The following ZRANB3 variants were observed in gnomAD, a reference collection of about 807,000 sequenced individuals.
ZRANB3 encodes DNA annealing helicase and endonuclease ZRANB3.
Under a neutral mutation model 133.8 loss-of-function variants are expected in ZRANB3, and 125 were observed. That is an observed-to-expected ratio of 0.93 (90% CI 0.81 to 1.08). ZRANB3 has a LOEUF of 1.08. ZRANB3 is among the 50% of genes least tolerant of loss of function. The pLI is 0.00. For missense variants in ZRANB3, 1,229 were observed against 1,275.5 expected, an observed-to-expected ratio of 0.96 and a Z score of 0.56; for synonymous variants, 387 against 432.7, an observed-to-expected ratio of 0.89 and a Z score of 1.31.
At chr2:135,379,692 G>A (rs1686598668) in intron 3 of ZRANB3, among the ~76,000 whole-genome samples, 1 of 152,120 alleles carries the variant, frequency 6.6e-6, no homozygotes. Flanking sequence ...ACCGGTACCA[G>A]TCACTGCAAA....
chr2:135,271,799 A>C lies in ZRANB3; in HGVS notation c.1175T>G (p.Val392Gly). 3 of 1,613,774 alleles carry C rather than the reference A, an allele frequency of 1.9e-6. No homozygotes were observed. Among genetic ancestry groups the C allele is most frequent in the Non-Finnish European group, 2.5e-6 (3 of 1,179,810 alleles). The change falls in exon 10 of 21, where the codon GTG (valine) becomes GGG (glycine). Residue 392 changes from valine (V) to glycine (G), a missense_variant. Transcript: ENST00000264159. ...AGCAGCCTGAATGCTTAGGATAGCC[A>C]CGCGAGTGTCAGGATCCTTTTGAAA... ...NQFQKDPDTR[V>G]AILSIQAAGQ...
intron 1 of ZRANB3, chr2:135,510,540 GA>G: frequency 3.0e-6 from 2 of 659,976 alleles, no homozygotes; most frequent in Non-Finnish European, 5.5e-6. Flanking sequence ...GAAGATCCAT[GA>G]AGATTCACTG....
intron 17 of ZRANB3, among the ~76,000 whole-genome samples, chr2:135,211,317 G>C (rs562026652): frequency 6.6e-6 from 1 of 152,106 alleles, no homozygotes; most frequent in Non-Finnish European, 1.5e-5. Context: ...AAGGCGGGTG[G>C]ATCATTTGAG....
chr2:135,292,785 A>T lies in ZRANB3; in HGVS notation c.967-17030T>A, dbSNP rs573638991. Among the ~76,000 whole-genome samples, 47 of 152,300 alleles carry T rather than the reference A, an allele frequency of 3.1e-4. No homozygotes were observed. In the South Asian group the frequency reaches 6.4e-3, roughly 21 times the overall value. On this transcript the variant is annotated intron_variant, in intron 8 of 20. Coordinates refer to ENST00000264159, the MANE Select transcript of ZRANB3 (RefSeq NM_032143.4). ...TTAATTTTTGTATAAGGTGTAAGGA[A>T]GGGACCCACTTCCAGCTTTCTACAT...
At chr2:135,212,058 T>C (rs1448904570) in intron 17 of ZRANB3, among the ~76,000 whole-genome samples, 1 of 152,230 alleles carries the variant, frequency 6.6e-6, no homozygotes, top group African/African-American at 2.4e-5. Context: ...CTAATAGTGA[T>C]AGGCATCTCA....
intron 6 of ZRANB3, chr2:135,345,053 C>T (rs1573947723): frequency 6.6e-6 from 1 of 152,012 alleles, no homozygotes; most frequent in South Asian, 2.1e-4. Flanking sequence ...ACATGTAAAT[C>T]TAGCCAATAA....
intron 6 of ZRANB3, among the ~76,000 whole-genome samples, chr2:135,338,552 T>C (rs527720251): frequency 7.2e-5 from 11 of 152,312 alleles, no homozygotes; most frequent in Non-Finnish European, 1.6e-4. Context: ...TTTCAAGACA[T>C]CCAGGGAAAA....
At chr2:135,445,533 G>C (rs903044347) in intron 2 of ZRANB3, among the ~76,000 whole-genome samples, 2 of 152,120 alleles carry the variant, frequency 1.3e-5, no homozygotes, top group African/African-American at 4.8e-5. Flanking sequence ...AAAATCTATA[G>C]AATTGCCAGA....
At chr2:135,405,101 C>A (rs987443248) in intron 2 of ZRANB3, among the ~76,000 whole-genome samples, 1 of 151,926 alleles carries the variant, frequency 6.6e-6, no homozygotes, top group Non-Finnish European at 1.5e-5. Context: ...CACACATAGG[C>A]TCAAAATAAA....
chr2:135,409,173 G>T (rs1233719442), intron 2 of ZRANB3, among the ~76,000 whole-genome samples: 1 of 152,144 alleles, frequency 6.6e-6, no homozygotes, highest in South Asian at 2.1e-4. Flanking sequence ...AAGAGAGTGA[G>T]TGGGGAGGTG....
intron 3 of ZRANB3, among the ~76,000 whole-genome samples, chr2:135,381,212 C>T (rs755765522): frequency 6.6e-6 from 1 of 152,188 alleles, no homozygotes; most frequent in South Asian, 2.1e-4. Context: ...TATCCCATGC[C>T]TGGCTCGCAG....
chr2:135,293,274 G>C (rs1681859462), intron 8 of ZRANB3, among the ~76,000 whole-genome samples: 1 of 151,894 alleles, frequency 6.6e-6, no homozygotes. Context: ...ATTTCATTGA[G>C]CAGTGGTTTG....
At chr2:135,470,655 C>A (rs1574153049) in intron 2 of ZRANB3, among the ~76,000 whole-genome samples, 1 of 151,926 alleles carries the variant, frequency 6.6e-6, no homozygotes, top group East Asian at 1.9e-4. Context: ...CCACTGCACT[C>A]CAGTCTGGGT....
chr2:135,408,759 G>T (rs1688164682), intron 2 of ZRANB3, among the ~76,000 whole-genome samples: 1 of 151,936 alleles, frequency 6.6e-6, no homozygotes, highest in Admixed American at 6.6e-5. Context: ...CTCACTCATA[G>T]GTGGGAACTG....
intron 3 of ZRANB3, among the ~76,000 whole-genome samples, chr2:135,373,244 T>A: frequency 6.6e-6 from 1 of 152,152 alleles, no homozygotes; most frequent in Admixed American, 6.5e-5. Flanking sequence ...CTGTGGTAAG[T>A]ACATATGGCT....
At chr2:135,405,935 T>A (rs1687998496) in intron 2 of ZRANB3, among the ~76,000 whole-genome samples, 1 of 151,942 alleles carries the variant, frequency 6.6e-6, no homozygotes, top group Non-Finnish European at 1.5e-5. Context: ...GCAAACACAT[T>A]CCAAATCTAG....
At chr2:135,224,636 A>T in intron 14 of ZRANB3, 119 bp from the exon 15 acceptor site, 1 of 603,188 alleles carries the variant, frequency 1.7e-6, no homozygotes, top group Middle Eastern at 2.7e-4. Flanking sequence ...CAATATATTT[A>T]ACAAAAAGTA....
chr2:135,276,175 T>A (rs193265555), intron 8 of ZRANB3, among the ~76,000 whole-genome samples: 156 of 148,918 alleles, frequency 1.0e-3, no homozygotes, highest in Admixed American at 4.4e-3. Context: ...CATTTTTTTT[T>A]AAAAGGGAAG....
intron 2 of ZRANB3, among the ~76,000 whole-genome samples, chr2:135,485,782 TA>T (rs1221961841): frequency 6.6e-6 from 1 of 152,224 alleles, no homozygotes; most frequent in South Asian, 2.1e-4. Flanking sequence ...GCATTATGTC[TA>T]AAACAATGTA....
Sources: allele counts gnomAD v4.1 joint callset (sites outside exome capture counted in the v4.1 genomes callset), GRCh38; gene constraint gnomAD v4.1.1; transcripts MANE v1.5; gene names NCBI Gene and HGNC (gene_info 2026-07-23, HGNC 2026-07-21).